Variants in ELN observed in about 807,000 individuals in gnomAD.
The protein encoded by ELN is tropoelastin.
In ELN, 65 loss-of-function variants were observed where a neutral mutation model predicts 105.8. The observed-to-expected ratio is 0.61, with a 90% CI of 0.50 to 0.75. The LOEUF is 0.75. Among genes scored for constraint, ELN ranks in the 30% least tolerant of loss-of-function variants. The pLI, the probability that ELN is intolerant of heterozygous loss-of-function variation, is 0.00. For synonymous variants in ELN, 368 were observed against 389.2 expected (o/e 0.95, Z 0.64); for missense variants, 882 against 969.4 (o/e 0.91, Z 1.20).
At chr7:74,053,756 GTGGA>G (rs1419014557) in intron 18 of ELN, among the ~76,000 whole-genome samples, 3 of 151,060 alleles carry the variant, frequency 2.0e-5, no homozygotes, top group Non-Finnish European at 1.5e-5. Flanking sequence ...GGATGGGTGG[GTGGA>G]TGGATGGATG....
intron 15 of ELN, among the ~76,000 whole-genome samples, chr7:74,050,069 C>T (rs982843493): frequency 6.6e-6 from 1 of 150,960 alleles, no homozygotes; most frequent in African/African-American, 2.4e-5. Context: ...ATCCATTCAT[C>T]CATCCATCCA....
Position 74,028,314 on chromosome 7 carries a change from G to A in ELN, c.82+45G>A, listed in dbSNP as rs782750950. ...GTCCCCAGCGCTGCCCACAGCTGCG[G>A]GCCCTTTGGGCCAGGTGACTAGACG... is the stretch of plus-strand genomic sequence containing the variant. On this transcript the variant is annotated intron_variant, in intron 1 of 32. Coordinates refer to ENST00000252034, the MANE Select transcript of ELN (RefSeq NM_000501.4). The A allele has an allele frequency of 1.1e-5, 17 of 1,579,924 alleles. 2 individuals are homozygous for A. In the Admixed American group the frequency reaches 2.6e-4, roughly 24 times the overall value.
Position 74,051,982 on chromosome 7 carries a change from T to C in ELN, c.948T>C (p.Tyr316=). The change falls in exon 17 of 33, where the codon TAT becomes TAC. Residue 316 remains tyrosine, a splice_region_variant and synonymous_variant. Transcript: ENST00000252034. ...AAAAAAKAAK[Y]GAAAGLVPGG... ...CAGCAGCCGCTAAGGCAGCCAAGTA[T>C]GGTGAGTGCCTCCCGGGGTGGCAAG... 6.2e-7 allele frequency: 1 copy of C among 1,613,270 alleles called. No individual in the cohort carries two copies. Among genetic ancestry groups the C allele is most frequent in the Non-Finnish European group, 8.5e-7 (1 of 1,180,006 alleles).
intron 32 of ELN, among the ~76,000 whole-genome samples, chr7:74,067,488 G>A (rs1454117547): frequency 3.3e-5 from 5 of 151,074 alleles, no homozygotes; most frequent in South Asian, 4.2e-4. Context: ...GGCTGGTCTC[G>A]AACTCCTGAC....
intron 1 of ELN, among the ~76,000 whole-genome samples, chr7:74,032,344 G>T (rs545603794): frequency 6.6e-6 from 1 of 152,212 alleles, no homozygotes; most frequent in Non-Finnish European, 1.5e-5. Context: ...GCCCTGGTGC[G>T]GGGGTAGGAC....
chr7:74,028,293 C>A, intron 1 of ELN, 24 bp downstream of exon 1: 1 of 1,597,862 alleles, frequency 6.3e-7, no homozygotes. Context: ...GCCCCTGTCC[C>A]CAGCGCTGCC....
intron 3 of ELN, among the ~76,000 whole-genome samples, 163 bp from the exon 4 acceptor site, chr7:74,037,544 C>G (rs564730073): frequency 6.6e-6 from 1 of 152,168 alleles, no homozygotes; most frequent in Non-Finnish European, 1.5e-5. Flanking sequence ...GTATAAACCA[C>G]GAGTTAGAAG....
At chr7:74,051,287 C>T (rs964466478) in intron 15 of ELN, among the ~76,000 whole-genome samples, 12 of 152,194 alleles carry the variant, frequency 7.9e-5, no homozygotes, top group Non-Finnish European at 1.5e-4. Flanking sequence ...CTCCCAGCAC[C>T]CGAGGCTCCT....
rs900409298 is a variant in ELN, at chr7:74,051,935, C to G, written c.901C>G (p.Pro301Ala). Residue 301 changes from proline (P) to alanine (A), a missense_variant, in exon 17 of 33, where the codon CCA becomes GCA. Physicochemically the swap from Pro to Ala is conservative, Grantham distance 27. Coordinates refer to ENST00000252034, the MANE Select transcript of ELN (RefSeq NM_000501.4). ...GGCTGTGTTTTCAGGCGTTGGGACT[C>G]CAGCTGCAGCTGCAGCTGCAGCAGC... Reference protein sequence around the residue: ...GIGGIAGVGTPAAAAAAAAAA... With the variant: ...GIGGIAGVGTAAAAAAAAAAA... 1.2e-5 allele frequency: 19 copies of G among 1,613,506 alleles called. No homozygotes were observed. In the Admixed American group the frequency reaches 1.7e-4, roughly 14 times the overall value.
chr7:74,031,291 GT>G lies in ELN; in HGVS notation c.82+3023del, dbSNP rs567514033. Among the ~76,000 whole-genome samples the G allele has an allele frequency of 3.3e-3, 497 of 152,306 alleles. 2 individuals carry two copies. Among genetic ancestry groups the G allele is most frequent in the Middle Eastern group, 0.014 (4 of 294 alleles). On this transcript the variant is annotated intron_variant, in intron 1 of 32. Transcript: ENST00000252034. ...CTGCCTGAAGTACCTCCTAGGGCCA[GT>G]GAGAGCTTCTAGCAATGTAATATCT...
At chr7:74,064,113 A>G (rs534533157) in intron 29 of ELN, among the ~76,000 whole-genome samples, 6 of 150,542 alleles carry the variant, frequency 4.0e-5, no homozygotes, top group East Asian at 2.0e-4. Context: ...CTAAAAAAAA[A>G]AAAGAAAGAA....
At chr7:74,049,251 T>TATCC (rs1448808015) in intron 15 of ELN, among the ~76,000 whole-genome samples, 8 of 142,986 alleles carry the variant, frequency 5.6e-5, no homozygotes, top group Admixed American at 2.8e-4. Flanking sequence ...TGCAGCCATC[T>TATCC]ATCCATCCAT....
At chr7:74,047,742 G>A (rs377426079) in intron 13 of ELN, 26 bp downstream of exon 13, 407 of 1,613,916 alleles carry the variant, frequency 2.5e-4, no homozygotes, top group Non-Finnish European at 3.3e-4. Flanking sequence ...CTAGACTGTG[G>A]GCTTCCAGCT....
Position 74,060,445 on chromosome 7 carries a change from T to A in ELN, c.1691T>A (p.Val564Asp). The change falls in exon 25 of 33, where the codon GTT becomes GAT. Residue 564 changes from valine to aspartate, a missense_variant. Physicochemically the swap from Val to Asp is radical, Grantham distance 152. Coordinates refer to ENST00000252034, the MANE Select transcript of ELN (RefSeq NM_000501.4). ...GGTGTCGGCGTCCCTGGACTTGGAG[T>A]TGGTGCTGGTGTTCCTGGACTTGGA... The part of the protein sequence containing the change: ...GVGVGVPGLG[V>D]GAGVPGLGVG... The A allele has an allele frequency of 1.2e-6, 2 of 1,613,632 alleles. No homozygotes were observed. The highest frequency in any genetic ancestry group is 1.7e-6 in the Non-Finnish European group (2 of 1,179,946).
In ELN at chr7:74,047,672, C is replaced by T; in HGVS notation, c.644-3C>T. ...CCCTGAGTTTGCTCTGTCCTCTCTCCAGGTGGCTATGGACTGCCCTACACC... is the reference window on the plus strand; with the variant it reads ...CCCTGAGTTTGCTCTGTCCTCTCTCTAGGTGGCTATGGACTGCCCTACACC... On this transcript the variant is annotated splice_polypyrimidine_tract_variant and splice_region_variant and intron_variant, in intron 12 of 32. Coordinates refer to ENST00000252034, the MANE Select transcript of ELN (RefSeq NM_000501.4). 1 of 1,614,192 alleles carries T rather than the reference C, an allele frequency of 6.2e-7. No individual in the cohort carries two copies. Among genetic ancestry groups the T allele is most frequent in the Non-Finnish European group, 8.5e-7 (1 of 1,180,018 alleles).
At position 74,041,251 on chromosome 7, in the gene ELN, G is replaced by A. The variant is rs1489452334; in HGVS notation, c.232G>A (p.Gly78Arg). The A allele has an allele frequency of 5.6e-6, 9 of 1,613,972 alleles. No homozygotes were observed. The highest frequency in any genetic ancestry group is 7.6e-6 in the Non-Finnish European group (9 of 1,179,876). The change falls in exon 5 of 33, where the codon GGG (glycine) becomes AGG (arginine). Residue 78 changes from glycine (G) to arginine (R), a missense_variant and splice_region_variant. Physicochemically the swap from Gly to Arg is moderately radical, Grantham distance 125. Coordinates refer to ENST00000252034, the MANE Select transcript of ELN (RefSeq NM_000501.4). ...GCTTGCGGGTGCTGGCCTTGGGGCA[G>A]GTGAGTGCTGACACCCAAGAAAGAT... Reference protein sequence around the residue: ...GGLAGAGLGAGLGAFPAVTFP... With the variant: ...GGLAGAGLGARLGAFPAVTFP...
At chr7:74,041,098 A>C (rs1466572373) in intron 4 of ELN, 118 bp from the exon 5 acceptor site, 1 of 1,328,770 alleles carries the variant, frequency 7.5e-7, no homozygotes, top group African/African-American at 1.4e-5. Flanking sequence ...TCACAGGCTT[A>C]GGGACCAGCC....
At position 74,068,795 on chromosome 7, in the gene ELN, C is replaced by T. The variant is rs181078432; in HGVS notation, c.*95C>T. On this transcript the variant is annotated 3_prime_UTR_variant, in exon 33 of 33. Coordinates refer to ENST00000252034, the MANE Select transcript of ELN (RefSeq NM_000501.4). ...TTTGTAACCCCATCCCATGCCCCTC[C>T]GACTCCCCACCCCAGGAGGGAACGG... 57 of 1,472,876 alleles carry T rather than the reference C, an allele frequency of 3.9e-5. 1 individual carries two copies. In the East Asian group the frequency reaches 1.0e-3, roughly 26 times the overall value. 91.2% of individuals were successfully genotyped at this position (1,472,876 alleles called of 1,614,324 possible). A position where few individuals can be genotyped will look rare whatever the true frequency, so the allele number is the denominator to read the frequency against.
intron 18 of ELN, among the ~76,000 whole-genome samples, chr7:74,053,971 T>TA (rs1794710150): frequency 6.6e-6 from 1 of 151,486 alleles, no homozygotes; most frequent in African/African-American, 2.4e-5. Context: ...GGTGGATGAA[T>TA]GGGTAGATGG....
Sources: allele counts gnomAD v4.1 joint callset (sites outside exome capture counted in the v4.1 genomes callset), GRCh38; gene constraint gnomAD v4.1.1; transcripts MANE v1.5; gene names NCBI Gene and HGNC (gene_info 2026-07-23, HGNC 2026-07-21).